Variants in CNTNAP2 observed in about 807,000 individuals in gnomAD.
CNTNAP2 encodes the protein contactin associated protein 2.
A neutral mutation model predicts 155.2 loss-of-function variants in CNTNAP2; 98 were observed. That is an observed-to-expected ratio of 0.63 (90% CI 0.54 to 0.75). The LOEUF (loss-of-function observed/expected upper bound fraction) is 0.75, where lower values mean the gene tolerates loss of function less well. Ranked by LOEUF, CNTNAP2 falls within the 30% of genes least tolerant of loss-of-function variation. The pLI, the probability that CNTNAP2 is intolerant of heterozygous loss-of-function variation, is 0.00. For synonymous variants in CNTNAP2, 651 were observed against 631.2 expected (o/e 1.03, Z -0.47); for missense variants, 1,727 against 1,688.1 (o/e 1.02, Z -0.40).
chr7:148,173,449 T>C (rs1450649897), intron 18 of CNTNAP2, among the ~76,000 whole-genome samples: 1 of 152,102 alleles, frequency 6.6e-6, no homozygotes, highest in Non-Finnish European at 1.5e-5. Context: ...ACATGGAGGG[T>C]TGTTTACACT....
rs1356231644 is a variant in CNTNAP2 at position 147,832,183 on chromosome 7, TTA to T, written c.2099-71379_2099-71378del. 5.6e-4 allele frequency among the ~76,000 whole-genome samples: 43 copies of T among 76,282 alleles called. No homozygotes were observed. The South Asian group carries it at 8.6e-3, about 15-fold the overall frequency. The allele number at this position is 76,282 out of a possible 152,430, so 50.0% of individuals were successfully genotyped here. A position where few individuals can be genotyped will look rare whatever the true frequency, so the allele number is the denominator to read the frequency against. On this transcript the variant is annotated intron_variant, in intron 13 of 23. Transcript: ENST00000361727. ...TTAATTATATAAACATTTAATTAAATTATACATTTAATTATATAAACATTTAA... is the reference window on the plus strand; with the variant it reads ...TTAATTATATAAACATTTAATTAAATTACATTTAATTATATAAACATTTAA...
chr7:146,566,859 G>A (rs1798365396), intron 1 of CNTNAP2, among the ~76,000 whole-genome samples: 1 of 152,032 alleles, frequency 6.6e-6, no homozygotes, highest in South Asian at 2.1e-4. Context: ...GATTCTTTTG[G>A]ACTTTTGTGT....
intron 8 of CNTNAP2, among the ~76,000 whole-genome samples, chr7:147,140,570 C>T (rs1362931678): frequency 6.6e-6 from 1 of 152,104 alleles, no homozygotes; most frequent in Non-Finnish European, 1.5e-5. Context: ...TGTGCCAAAT[C>T]TCAGCCACCC....
chr7:146,460,904 T>C (rs1322893097), intron 1 of CNTNAP2, among the ~76,000 whole-genome samples: 3 of 152,194 alleles, frequency 2.0e-5, no homozygotes, highest in Admixed American at 6.5e-5. Context: ...TCTATTGTAC[T>C]GCATGGTAAC....
chr7:146,281,523 G>T (rs777588923), intron 1 of CNTNAP2, among the ~76,000 whole-genome samples: 1 of 152,100 alleles, frequency 6.6e-6, no homozygotes, highest in Non-Finnish European at 1.5e-5. Flanking sequence ...TCAGCTGGGC[G>T]CAGTGGCTCA....
chr7:147,485,350 C>T (rs925677475), intron 10 of CNTNAP2, among the ~76,000 whole-genome samples: 2 of 152,180 alleles, frequency 1.3e-5, no homozygotes, highest in Non-Finnish European at 2.9e-5. Context: ...GAACACAAAA[C>T]CTGTATCTTT....
At chr7:148,210,562 C>T (rs547918698) in intron 18 of CNTNAP2, among the ~76,000 whole-genome samples, 94 of 152,368 alleles carry the variant, frequency 6.2e-4, no homozygotes, top group Non-Finnish European at 1.2e-3. Flanking sequence ...ATACTTCACA[C>T]TTGTGTCTTG....
At chr7:146,218,769 A>G (rs920561839) in intron 1 of CNTNAP2, among the ~76,000 whole-genome samples, 2 of 152,080 alleles carry the variant, frequency 1.3e-5, no homozygotes, top group African/African-American at 2.4e-5. Context: ...ACACATGGCT[A>G]GTAGCTAACA....
chr7:147,717,680 A>G (rs1159106380), intron 13 of CNTNAP2, among the ~76,000 whole-genome samples: 1 of 152,124 alleles, frequency 6.6e-6, no homozygotes, highest in Non-Finnish European at 1.5e-5. Context: ...GTTAAAATAT[A>G]CTTTCATACT....
chr7:146,481,335 G>C (rs1429172208), intron 1 of CNTNAP2, among the ~76,000 whole-genome samples: 1 of 152,178 alleles, frequency 6.6e-6, no homozygotes, highest in African/African-American at 2.4e-5. Context: ...TATTTTCCAA[G>C]GCAATGTAGC....
chr7:146,588,006 A>ATGTG (rs370352120), intron 1 of CNTNAP2, among the ~76,000 whole-genome samples: 2,355 of 148,902 alleles, frequency 0.016, 48 homozygotes, highest in African/African-American at 0.051. Flanking sequence ...CCGTGTGTGT[A>ATGTG]TGTGTGTGTG....
At chr7:146,552,496 G>A (rs1798136867) in intron 1 of CNTNAP2, among the ~76,000 whole-genome samples, 1 of 151,994 alleles carries the variant, frequency 6.6e-6, no homozygotes, top group African/African-American at 2.4e-5. Flanking sequence ...TTCTCACCTG[G>A]ATTATTACGG....
chr7:147,683,686 A>C (rs1795979887), intron 13 of CNTNAP2, among the ~76,000 whole-genome samples: 1 of 151,066 alleles, frequency 6.6e-6, no homozygotes, highest in Non-Finnish European at 1.5e-5. Context: ...GCATTATAAT[A>C]TTAAAAGGGA....
At chr7:146,982,745 T>C (rs186660203) in intron 3 of CNTNAP2, among the ~76,000 whole-genome samples, 62 of 152,266 alleles carry the variant, frequency 4.1e-4, no homozygotes, top group African/African-American at 1.4e-3. Flanking sequence ...GTATCACAGA[T>C]GACAGAGTAA....
At chr7:147,046,231 A>T (rs1799353591) in intron 4 of CNTNAP2, among the ~76,000 whole-genome samples, 1 of 152,170 alleles carries the variant, frequency 6.6e-6, no homozygotes, top group African/African-American at 2.4e-5. Context: ...TCAAAACATC[A>T]TGTCAACACC....
At chr7:146,973,595 A>G (rs1797847484) in intron 3 of CNTNAP2, among the ~76,000 whole-genome samples, 1 of 152,184 alleles carries the variant, frequency 6.6e-6, no homozygotes. Flanking sequence ...TGATTAAATC[A>G]ATACCATCAT....
intron 2 of CNTNAP2, 134 bp downstream of exon 2, chr7:146,774,515 A>G (rs1337783267): frequency 3.0e-6 from 2 of 668,866 alleles, no homozygotes; most frequent in Non-Finnish European, 5.3e-6. Flanking sequence ...TTCTATTAAA[A>G]GATCCATAGA....
chr7:146,499,759 C>T lies in CNTNAP2; in HGVS notation c.98-274512C>T, dbSNP rs190718278. Among the ~76,000 whole-genome samples the T allele has an allele frequency of 5.7e-3, 874 of 152,220 alleles. 4 individuals carry two copies. The highest frequency in any genetic ancestry group is 9.6e-3 in the Non-Finnish European group (652 of 68,026). Reference sequence around the variant, plus strand: ...TTCCAGGATTAGCTTTCTAATTCTGCAAGAATAGCCACTGGTGTTGTATTG... The same window carrying T: ...TTCCAGGATTAGCTTTCTAATTCTGTAAGAATAGCCACTGGTGTTGTATTG... On this transcript the variant is annotated intron_variant, in intron 1 of 23. Coordinates refer to ENST00000361727, the MANE Select transcript of CNTNAP2 (RefSeq NM_014141.6).
At chr7:147,448,018 C>A (rs767285974) in intron 10 of CNTNAP2, among the ~76,000 whole-genome samples, 1 of 151,904 alleles carries the variant, frequency 6.6e-6, no homozygotes, top group Non-Finnish European at 1.5e-5. Flanking sequence ...ATGCATAGCT[C>A]CTAAAATATA....
Sources: allele counts gnomAD v4.1 joint callset (sites outside exome capture counted in the v4.1 genomes callset), GRCh38; gene constraint gnomAD v4.1.1; transcripts MANE v1.5; gene names NCBI Gene and HGNC (gene_info 2026-07-23, HGNC 2026-07-21).